The following NALCN variants were observed in gnomAD, a reference collection of about 807,000 sequenced individuals.
NALCN encodes the protein sodium leak channel, non-selective.
In NALCN, 111 loss-of-function variants were observed where a neutral mutation model predicts 225.3. The observed-to-expected ratio is 0.49, with a 90% CI of 0.42 to 0.58. The LOEUF (loss-of-function observed/expected upper bound fraction) is 0.58. Ranked by LOEUF, NALCN falls within the 20% of genes least tolerant of loss-of-function variation. The probability of loss-of-function intolerance (pLI) is 0.00; values close to 1 mark genes in which losing one functional copy is unlikely to be tolerated. For synonymous variants in NALCN, 764 were observed against 769.0 expected (o/e 0.99, Z 0.11); for missense variants, 1,378 against 2,202.4 (o/e 0.63, Z 7.49).
chr13:101,317,633 T>A (rs2044598973), intron 7 of NALCN, among the ~76,000 whole-genome samples: 2 of 152,158 alleles, frequency 1.3e-5, no homozygotes, highest in South Asian at 4.1e-4. Context: ...ATTAAACTAC[T>A]CCTTTAGCGA....
At chr13:101,234,537 G>A (rs971080629) in intron 12 of NALCN, among the ~76,000 whole-genome samples, 41 of 152,326 alleles carry the variant, frequency 2.7e-4, no homozygotes, top group African/African-American at 7.7e-4. Context: ...TTTATACAAA[G>A]AGCCGCTCTG....
chr13:101,280,104 T>C (rs1413192098), intron 10 of NALCN, among the ~76,000 whole-genome samples: 1 of 152,148 alleles, frequency 6.6e-6, no homozygotes, highest in Non-Finnish European at 1.5e-5. Context: ...GACATAGAAA[T>C]GTATTCTCTC....
intron 6 of NALCN, among the ~76,000 whole-genome samples, chr13:101,370,567 G>A (rs377723291): frequency 7.2e-5 from 11 of 152,284 alleles, no homozygotes; most frequent in Admixed American, 4.6e-4. Flanking sequence ...TGGCAAAGAG[G>A]TAGTCCAATA....
At chr13:101,299,392 GA>G (rs2043869390) in intron 7 of NALCN, among the ~76,000 whole-genome samples, 1 of 152,104 alleles carries the variant, frequency 6.6e-6, no homozygotes. Flanking sequence ...ACTGCCTTCT[GA>G]ACTGTCCCAA....
chr13:101,112,940 T>C (rs1161288338), intron 18 of NALCN, among the ~76,000 whole-genome samples: 2 of 152,102 alleles, frequency 1.3e-5, no homozygotes, highest in African/African-American at 2.4e-5. Context: ...TATAAGAACT[T>C]ATTATATAGT....
chr13:101,403,907 ACT>A (rs1481089432), intron 1 of NALCN, among the ~76,000 whole-genome samples: 1 of 152,104 alleles, frequency 6.6e-6, no homozygotes, highest in Non-Finnish European at 1.5e-5. Flanking sequence ...TTCACCTCAA[ACT>A]CTGACTTTCA....
At chr13:101,315,707 G>A (rs1366736219) in intron 7 of NALCN, among the ~76,000 whole-genome samples, 2 of 152,064 alleles carry the variant, frequency 1.3e-5, no homozygotes, top group Non-Finnish European at 2.9e-5. Flanking sequence ...TTAATATCAA[G>A]TAATCATTAA....
chr13:101,159,372 G>A lies in NALCN; in HGVS notation c.1840-14476C>T, dbSNP rs544477405. Among the ~76,000 whole-genome samples, 265 of 152,288 alleles carry A rather than the reference G, an allele frequency of 1.7e-3. 3 individuals are homozygous for A. Among genetic ancestry groups the A allele is most frequent in the African/African-American group, 6.0e-3 (251 of 41,556 alleles). On this transcript the variant is annotated intron_variant, in intron 15 of 43. Coordinates refer to ENST00000251127, the MANE Select transcript of NALCN (RefSeq NM_052867.4). ...TGCCAGAGCTTGCAGCACAGGTCAG[G>A]TACATGGTAGACCCAGCTCTTCATC...
intron 42 of NALCN, 187 bp from the exon 43 acceptor site, chr13:101,058,243 C>T (rs1030506689): frequency 7.0e-6 from 4 of 573,296 alleles, no homozygotes; most frequent in Admixed American, 6.5e-5. Flanking sequence ...CACCACTGCA[C>T]GCCCTGCTGA....
chr13:101,129,190 T>A (rs911034899), intron 17 of NALCN, among the ~76,000 whole-genome samples: 1 of 152,228 alleles, frequency 6.6e-6, no homozygotes, highest in Non-Finnish European at 1.5e-5. Flanking sequence ...ATTATTTGGT[T>A]ACCCAGTAGC....
chr13:101,175,005 T>C (rs1027100960), intron 15 of NALCN, among the ~76,000 whole-genome samples: 1 of 152,202 alleles, frequency 6.6e-6, no homozygotes, highest in African/African-American at 2.4e-5. Context: ...AATTCACCTA[T>C]TAGATATTTT....
intron 13 of NALCN, among the ~76,000 whole-genome samples, chr13:101,195,445 T>C (rs2039850736): frequency 6.6e-6 from 1 of 152,244 alleles, no homozygotes; most frequent in Non-Finnish European, 1.5e-5. Flanking sequence ...TTAAAAAGAC[T>C]TCTCTCACTG....
chr13:101,387,911 C>T (rs563799542), intron 3 of NALCN, among the ~76,000 whole-genome samples: 2 of 152,208 alleles, frequency 1.3e-5, no homozygotes, highest in South Asian at 4.2e-4. Flanking sequence ...TAGGAACATA[C>T]ATTTAATGTG....
chr13:101,112,866 T>C (rs943183480), intron 18 of NALCN, among the ~76,000 whole-genome samples: 4 of 152,184 alleles, frequency 2.6e-5, no homozygotes, highest in African/African-American at 9.6e-5. Context: ...ACATGTATAA[T>C]AGAAGCATTT....
intron 17 of NALCN, 41 bp downstream of exon 17, chr13:101,143,039 T>A (rs768566252): frequency 1.2e-6 from 2 of 1,613,550 alleles, no homozygotes; most frequent in South Asian, 2.2e-5. Context: ...CAAACATAGA[T>A]GCTTTTTAGA....
intron 7 of NALCN, among the ~76,000 whole-genome samples, chr13:101,329,177 C>A (rs2045070514): frequency 6.6e-6 from 1 of 152,156 alleles, no homozygotes; most frequent in Admixed American, 6.5e-5. Flanking sequence ...GATAATATAT[C>A]TGTATGCACA....
At chr13:101,290,329 G>A (rs1383735874) in intron 9 of NALCN, among the ~76,000 whole-genome samples, 1 of 152,176 alleles carries the variant, frequency 6.6e-6, no homozygotes, top group Non-Finnish European at 1.5e-5. Flanking sequence ...AACACTGCAT[G>A]TGAGTTAAGG....
intron 6 of NALCN, chr13:101,372,983 C>T (rs1446093512): frequency 7.8e-6 from 2 of 254,936 alleles, no homozygotes; most frequent in South Asian, 3.9e-5. Context: ...GAAAAAATGG[C>T]TTATTACCAC....
chr13:101,291,305 G>T (rs1368122409), intron 9 of NALCN, among the ~76,000 whole-genome samples: 2 of 152,126 alleles, frequency 1.3e-5, no homozygotes, highest in Non-Finnish European at 2.9e-5. Flanking sequence ...ACATAGGCTT[G>T]CAAGTACATG....
Sources: gnomAD v4.1 joint callset for allele counts (sites outside exome capture counted in the v4.1 genomes callset) on GRCh38, gnomAD v4.1.1 for gene constraint, MANE v1.5 for transcripts, NCBI Gene and HGNC (gene_info 2026-07-23, HGNC 2026-07-21) for gene names.